MKRN2: variants seen among roughly 807,000 people sequenced by gnomAD.
MKRN2 encodes makorin ring finger protein 2.
A neutral mutation model predicts 45.4 loss-of-function variants in MKRN2; 32 were observed. The observed-to-expected ratio is 0.70, with a 90% confidence interval of 0.53 to 0.95. The LOEUF (loss-of-function observed/expected upper bound fraction) is 0.95. MKRN2 is among the 40% of genes least tolerant of loss of function. The probability of loss-of-function intolerance (pLI) is 0.00; values close to 1 mark genes in which losing one functional copy is unlikely to be tolerated. For synonymous variants in MKRN2, 206 were observed against 192.4 expected (o/e 1.07, Z -0.59); for missense variants, 526 against 536.7 (o/e 0.98, Z 0.20).
Position 12,557,143 on chromosome 3 carries a change from C to T in MKRN2, c.-8C>T. 6.6e-7 allele frequency: 1 copy of T among 1,522,698 alleles called. No individual in the cohort carries two copies. Among genetic ancestry groups the T allele is most frequent in the Non-Finnish European group, 8.8e-7 (1 of 1,137,862 alleles). The allele number at this position is 1,522,698 out of a possible 1,614,324, so 94.3% of individuals were successfully genotyped here. The stretch of plus-strand genomic sequence containing the variant: ...GCGGCACGACGACGGTCCCTCAGCC[C>T]AGCCACCATGAGCACCAAGCAGATC... On this transcript the variant is annotated 5_prime_UTR_variant, in exon 1 of 8. Coordinates refer to ENST00000170447, the MANE Select transcript of MKRN2 (RefSeq NM_014160.5).
intron 3 of MKRN2, among the ~76,000 whole-genome samples, chr3:12,571,527 C>T (rs373078931): frequency 5.9e-5 from 9 of 152,258 alleles, no homozygotes; most frequent in African/African-American, 2.2e-4. Flanking sequence ...TGTGAGAATA[C>T]GTGACCTCTA....
At chr3:12,568,141 C>T (rs550369331) in intron 1 of MKRN2, among the ~76,000 whole-genome samples, 1 of 152,314 alleles carries the variant, frequency 6.6e-6, no homozygotes, top group South Asian at 2.1e-4. Context: ...TTTGGCCCAA[C>T]TGTAGGCTGA....
At position 12,583,078 on chromosome 3, in the gene MKRN2, T is replaced by C. The variant is rs190589452; in HGVS notation, c.*825T>C. On this transcript the variant is annotated 3_prime_UTR_variant, in exon 8 of 8. Transcript: ENST00000170447. ...GGTAATTGTATTGAGAACTCAAATA[T>C]ACGTGCACTTACATGTGTGGTTCGT... is the stretch of plus-strand genomic sequence containing the variant. The C allele has an allele frequency of 3.9e-5, 6 of 152,360 alleles. No individual in the cohort carries two copies. The highest frequency in any genetic ancestry group is 2.0e-4 in the Admixed American group (3 of 15,308). The allele number at this position is 152,360 out of a possible 1,614,324, so 9.4% of individuals were successfully genotyped here.
intron 6 of MKRN2, among the ~76,000 whole-genome samples, chr3:12,578,177 T>G (rs2058154133): frequency 1.3e-5 from 2 of 152,180 alleles, no homozygotes; most frequent in South Asian, 4.1e-4. Context: ...GATTGCTTCC[T>G]CACTTTCCAA....
At chr3:12,571,760 A>G (rs2058101037) in intron 3 of MKRN2, among the ~76,000 whole-genome samples, 1 of 152,150 alleles carries the variant, frequency 6.6e-6, no homozygotes, top group East Asian at 1.9e-4. Flanking sequence ...ATGTGTTAAC[A>G]TTTCCATATT....
In MKRN2 at chr3:12,578,027, G is replaced by T. The variant is rs367679725; in HGVS notation, c.968+1286G>T. Among the ~76,000 whole-genome samples, 9 of 152,270 alleles carry T rather than the reference G, an allele frequency of 5.9e-5. No individual in the cohort carries two copies. In the South Asian group the frequency reaches 1.9e-3, roughly 32 times the overall value. ...GTAAATTGTTTGAACTCAAACCCAG[G>T]TAGCAGTTCAGATCTCAGTTCTGGT... is the stretch of plus-strand genomic sequence containing the variant. On this transcript the variant is annotated intron_variant, in intron 6 of 7. Transcript: ENST00000170447.
chr3:12,557,766 A>G (rs1350323732), intron 1 of MKRN2, among the ~76,000 whole-genome samples: 1 of 152,246 alleles, frequency 6.6e-6, no homozygotes, highest in South Asian at 2.1e-4. Context: ...CTTCACAGTA[A>G]GACAACTTAG....
At chr3:12,557,894 G>T (rs1010512353) in intron 1 of MKRN2, among the ~76,000 whole-genome samples, 2 of 152,222 alleles carry the variant, frequency 1.3e-5, no homozygotes, top group Non-Finnish European at 2.9e-5. Flanking sequence ...ATGGTTTATT[G>T]TAGAAAATAG....
At chr3:12,570,745 T>G (rs547395226) in intron 3 of MKRN2, among the ~76,000 whole-genome samples, 2 of 151,812 alleles carry the variant, frequency 1.3e-5, no homozygotes, top group Admixed American at 1.3e-4. Flanking sequence ...TAGCCGGGTG[T>G]AGTGGCAGGT....
intron 1 of MKRN2, 91 bp downstream of exon 1, chr3:12,557,267 C>G (rs2057984016): frequency 2.0e-6 from 3 of 1,471,392 alleles, no homozygotes; most frequent in African/African-American, 1.5e-5. Flanking sequence ...GAACCTGAGG[C>G]TAGAGCGGGA....
chr3:12,570,291 A>G (rs375412219), intron 3 of MKRN2, 39 bp downstream of exon 3: 3 of 1,581,438 alleles, frequency 1.9e-6, no homozygotes, highest in African/African-American at 2.7e-5. Context: ...CTTTTTGCAT[A>G]GCACTCTTGT....
intron 6 of MKRN2, among the ~76,000 whole-genome samples, chr3:12,579,308 G>C (rs867972831): frequency 6.6e-6 from 1 of 152,112 alleles, no homozygotes; most frequent in Non-Finnish European, 1.5e-5. Context: ...GGGATTACAG[G>C]TGTGCGCCAC....
intron 1 of MKRN2, among the ~76,000 whole-genome samples, chr3:12,561,237 A>C (rs2058034321): frequency 6.6e-6 from 1 of 152,220 alleles, no homozygotes; most frequent in Admixed American, 6.5e-5. Context: ...ATTAACTAGA[A>C]GCTCTGGTTG....
At chr3:12,576,087 A>G (rs1293029603) in intron 5 of MKRN2, among the ~76,000 whole-genome samples, 1 of 152,054 alleles carries the variant, frequency 6.6e-6, no homozygotes, top group East Asian at 1.9e-4. Flanking sequence ...AAACTGTTGG[A>G]GAATCTGCCA....
At chr3:12,575,100 A>G (rs1037581863) in intron 5 of MKRN2, 94 bp downstream of exon 5, 8 of 1,196,210 alleles carry the variant, frequency 6.7e-6, no homozygotes, top group African/African-American at 3.0e-5. Flanking sequence ...GTTACCCTCA[A>G]GAGTAACTGG....
intron 6 of MKRN2, among the ~76,000 whole-genome samples, chr3:12,579,002 A>G (rs2125308154): frequency 6.6e-6 from 1 of 152,092 alleles, no homozygotes. Context: ...GCCTGTAGAA[A>G]GGGGCTCTGC....
chr3:12,580,579 C>T (rs2058171010), intron 6 of MKRN2, among the ~76,000 whole-genome samples: 1 of 152,166 alleles, frequency 6.6e-6, no homozygotes, highest in African/African-American at 2.4e-5. Flanking sequence ...CAGCCTCAGC[C>T]TCCCGAGTAG....
intron 1 of MKRN2, 122 bp downstream of exon 1, chr3:12,557,298 T>C (rs2125297192): frequency 1.5e-6 from 2 of 1,324,202 alleles, no homozygotes; most frequent in Admixed American, 2.7e-5. Context: ...TACTCGGCTG[T>C]TCGCGGCGGG....
At position 12,582,269 on chromosome 3, in the gene MKRN2, C is replaced by T. The variant is rs950764962; in HGVS notation, c.*16C>T. 1.9e-6 allele frequency: 3 copies of T among 1,611,766 alleles called. No individual in the cohort carries two copies. Among genetic ancestry groups the T allele is most frequent in the Non-Finnish European group, 1.7e-6 (2 of 1,178,070 alleles). ...AGAACCCTAAAGAGTAGATGGTTGC[C>T]CTGCATCTTGGGCTCCATCGGCCGA... On this transcript the variant is annotated 3_prime_UTR_variant, in exon 8 of 8. Coordinates refer to ENST00000170447, the MANE Select transcript of MKRN2 (RefSeq NM_014160.5).
Sources: gnomAD v4.1 joint callset for allele counts (sites outside exome capture counted in the v4.1 genomes callset) on GRCh38, gnomAD v4.1.1 for gene constraint, MANE v1.5 for transcripts, NCBI Gene and HGNC (gene_info 2026-07-23, HGNC 2026-07-21) for gene names.